The following TIMM50 variants were observed in gnomAD, a reference collection of about 807,000 sequenced individuals.
TIMM50 encodes mitochondrial import inner membrane translocase subunit TIM50.
Under a neutral mutation model 49.6 loss-of-function variants are expected in TIMM50, and 34 were observed. The ratio of observed to expected loss-of-function variants is 0.69; its 90% CI spans 0.52 to 0.91. The LOEUF (loss-of-function observed/expected upper bound fraction) is 0.91, where lower values mean the gene tolerates loss of function less well. Among genes scored for constraint, TIMM50 ranks in the 40% least tolerant of loss-of-function variants. The probability of loss-of-function intolerance (pLI) is 0.00; values close to 1 mark genes in which losing one functional copy is unlikely to be tolerated. For missense variants in TIMM50, 458 were observed against 477.8 expected (o/e 0.96, Z 0.39); for synonymous variants, 199 against 198.4 (o/e 1.00, Z -0.03).
intron 1 of TIMM50, chr19:39,481,440 C>G (rs1175117956): frequency 8.6e-6 from 2 of 232,132 alleles, no homozygotes; most frequent in South Asian, 7.7e-5. Context: ...TTGCCCTTCC[C>G]CGCCTCCGCT....
At position 39,480,863 on chromosome 19, in the gene TIMM50, T is replaced by C; in HGVS notation, c.10T>C (p.Ser4Pro). 1 of 1,598,010 alleles carries C rather than the reference T, an allele frequency of 6.3e-7. No homozygotes were observed. Among genetic ancestry groups the C allele is most frequent in the Non-Finnish European group, 8.5e-7 (1 of 1,174,198 alleles). ...GTGGCGTCAGCGCAAGATGGCGGCCTCGGCAGCGGTGTTCTCGCGCTTGCG... is the reference window on the plus strand; with the variant it reads ...GTGGCGTCAGCGCAAGATGGCGGCCCCGGCAGCGGTGTTCTCGCGCTTGCG... MAA[S>P]AAVFSRLRSG... is the part of the protein sequence containing the mutation. The change falls in exon 1 of 11, where the codon TCG (serine) becomes CCG (proline). Residue 4 changes from serine to proline, a missense_variant. Coordinates refer to ENST00000607714, the MANE Select transcript of TIMM50 (RefSeq NM_001001563.5).
chr19:39,485,255 C>T, intron 4 of TIMM50: 1 of 454,288 alleles, frequency 2.2e-6, no homozygotes, highest in Non-Finnish European at 4.1e-6. Context: ...AGCCACCGTG[C>T]CCGGCCTTGT....
intron 9 of TIMM50, 135 bp downstream of exon 9, chr19:39,488,352 TC>T: frequency 8.5e-7 from 1 of 1,182,620 alleles, no homozygotes; most frequent in Non-Finnish European, 1.2e-6. Context: ...TTTAGGAGCT[TC>T]TTAGGATGTT....
chr19:39,483,404 G>A, intron 4 of TIMM50: 1 of 557,368 alleles, frequency 1.8e-6, no homozygotes, highest in Non-Finnish European at 3.2e-6. Flanking sequence ...AGGGCTTGGG[G>A]ACACAGGGTG....
chr19:39,492,892 A>AAAAAAAAAAAAAAAAAAAAAC lies in TIMM50; in HGVS notation c.*3072_*3073insAAAAAAAAAAAAAAAAAAAAC, dbSNP rs2079557307. 1 of 141,756 alleles carries AAAAAAAAAAAAAAAAAAAAAC rather than the reference A, an allele frequency of 7.1e-6. No individual in the cohort carries two copies. The highest frequency in any genetic ancestry group is 2.0e-4 in the East Asian group (1 of 4,992). The allele number at this position is 141,756 out of a possible 1,614,324, so 8.8% of individuals were successfully genotyped here. The stretch of plus-strand genomic sequence containing the variant: ...TCTCCAAAAAAAAAAAAAAAAAAAA[A>AAAAAAAAAAAAAAAAAAAAAC]CAAAAAAAAAACCAGTTTGACTTTA... On this transcript the variant is annotated 3_prime_UTR_variant, in exon 11 of 11. Transcript: ENST00000607714.
intron 6 of TIMM50, 158 bp downstream of exon 6, chr19:39,485,965 C>CTA (rs2079502944): frequency 8.0e-7 from 1 of 1,243,802 alleles, no homozygotes; most frequent in South Asian, 1.4e-5. Flanking sequence ...GTCATGCTAA[C>CTA]ACCCACTCTG....
chr19:39,486,225 C>T lies in TIMM50; in HGVS notation c.531C>T (p.Ile177=), dbSNP rs370544090. The change falls in exon 7 of 11, where the codon ATC becomes ATT. Residue 177 remains isoleucine, a synonymous_variant. Coordinates refer to ENST00000607714, the MANE Select transcript of TIMM50 (RefSeq NM_001001563.5). ...TGWRFKKRPG[I]ETLFQQLAPL... Reference sequence around the variant, plus strand: ...GGAGGTTTAAGAAGCGCCCAGGCATCGAGACCTTGTTCCAGCAGCTTGCCC... The same window carrying T: ...GGAGGTTTAAGAAGCGCCCAGGCATTGAGACCTTGTTCCAGCAGCTTGCCC... 2.5e-5 allele frequency: 41 copies of T among 1,614,060 alleles called. No homozygotes were observed. Among genetic ancestry groups the T allele is most frequent in the East Asian group, 4.5e-5 (2 of 44,896 alleles).
At position 39,492,283 on chromosome 19, in the gene TIMM50, C is replaced by G. The variant is rs972313493; in HGVS notation, c.*2463C>G. 2.0e-5 allele frequency: 3 copies of G among 149,828 alleles called. No individual in the cohort carries two copies. The East Asian group carries it at 6.0e-4, about 30-fold the overall frequency. 9.3% of individuals were successfully genotyped at this position (149,828 alleles called of 1,614,324 possible). On this transcript the variant is annotated 3_prime_UTR_variant, in exon 11 of 11. Transcript: ENST00000607714. The stretch of plus-strand genomic sequence containing the variant: ...TCGCCTGAGGCCAGGAGTTGGAGAG[C>G]AGCCTGGGCAACATGGGAAGAGCCT...
chr19:39,487,843 C>CA (rs2079517720), intron 8 of TIMM50, among the ~76,000 whole-genome samples: 1 of 152,140 alleles, frequency 6.6e-6, no homozygotes, highest in African/African-American at 2.4e-5. Flanking sequence ...CCGCCCGCCT[C>CA]GGCCTCCCAA....
chr19:39,488,165 G>C lies in TIMM50; in HGVS notation c.801G>C (p.Trp267Cys). 1.2e-6 allele frequency: 2 copies of C among 1,613,982 alleles called. No homozygotes were observed. The highest frequency in any genetic ancestry group is 1.7e-6 in the Non-Finnish European group (2 of 1,179,874). ...QPYNGVALRP[W>C]DGNSDDRVLL... is the part of the protein sequence containing the mutation. ...ATAACGGCGTTGCCCTGCGGCCCTGGGACGGCAACTCTGATGACCGGGTCT... is the reference window on the plus strand; with the variant it reads ...ATAACGGCGTTGCCCTGCGGCCCTGCGACGGCAACTCTGATGACCGGGTCT... Residue 267 changes from tryptophan (W) to cysteine (C), a missense_variant, in exon 9 of 11, where the codon TGG (tryptophan) becomes TGC (cysteine). Transcript: ENST00000607714.
chr19:39,484,775 G>T (rs925656305), intron 4 of TIMM50, among the ~76,000 whole-genome samples: 1 of 152,118 alleles, frequency 6.6e-6, no homozygotes, highest in Non-Finnish European at 1.5e-5. Flanking sequence ...AAATACAGTG[G>T]CATAAATTAG....
chr19:39,483,369 A>G (rs2079485366), intron 4 of TIMM50: 3 of 417,672 alleles, frequency 7.2e-6, no homozygotes, highest in African/African-American at 4.2e-5. Flanking sequence ...TCAGAGACAG[A>G]TGGGGGATTG....
In TIMM50 at chr19:39,488,138, C is replaced by G; in HGVS notation, c.774C>G (p.Pro258=). ...AGAAGGAAGCCTTCCGCCTGCAGCC[C>G]TATAACGGCGTTGCCCTGCGGCCCT... ...DCKKEAFRLQ[P]YNGVALRPWD... The change falls in exon 9 of 11, where the codon CCC becomes CCG. Residue 258 remains proline, a synonymous_variant. Transcript: ENST00000607714. The G allele has an allele frequency of 1.9e-6, 3 of 1,614,092 alleles. No homozygotes were observed. The highest frequency in any genetic ancestry group is 2.5e-6 in the Non-Finnish European group (3 of 1,179,940).
intron 9 of TIMM50, 124 bp downstream of exon 9, chr19:39,488,341 C>G: frequency 1.6e-6 from 2 of 1,223,694 alleles, no homozygotes; most frequent in South Asian, 2.9e-5. Flanking sequence ...ACCTTGGAGT[C>G]TTTAGGAGCT....
In TIMM50 at chr19:39,488,477, A is replaced by T. The variant is rs980761379; in HGVS notation, c.854-62A>T. The T allele has an allele frequency of 1.5e-5, 22 of 1,500,546 alleles. No individual in the cohort carries two copies. The African/African-American group carries it at 2.8e-4, about 19-fold the overall frequency. 93.0% of individuals were successfully genotyped at this position (1,500,546 alleles called of 1,614,324 possible). On this transcript the variant is annotated intron_variant, in intron 9 of 10. Transcript: ENST00000607714. ...TGCCCCAGTGCGGGACGTTCCCCTC[A>T]TGGGCCCTGCCTCCCTCTGGCCTTT...
rs768649023 is a variant in TIMM50 at position 39,488,624 on chromosome 19, G to A, written c.939G>A (p.Gln313=). 5 of 1,613,656 alleles carry A rather than the reference G, an allele frequency of 3.1e-6. No individual in the cohort carries two copies. In the African/African-American group the frequency reaches 6.7e-5, roughly 22 times the overall value. ...LEDDPLAAFK[Q]RQSRLEQEEQ... ...ATGACCCGCTGGCGGCTTTCAAACAGCGGCAAAGCCGGCTAGAGCAGGTTG... is the reference window on the plus strand; with the variant it reads ...ATGACCCGCTGGCGGCTTTCAAACAACGGCAAAGCCGGCTAGAGCAGGTTG... Residue 313 remains glutamine (Q), a synonymous_variant, in exon 10 of 11, where the codon CAG becomes CAA. Coordinates refer to ENST00000607714, the MANE Select transcript of TIMM50 (RefSeq NM_001001563.5).
At chr19:39,483,892 TG>T (rs1194958584) in intron 4 of TIMM50, among the ~76,000 whole-genome samples, 1 of 152,168 alleles carries the variant, frequency 6.6e-6, no homozygotes, top group East Asian at 1.9e-4. Flanking sequence ...CTTGCTCTGT[TG>T]CCTAGGCTGG....
intron 4 of TIMM50, 137 bp downstream of exon 4, chr19:39,483,293 C>A: frequency 8.5e-7 from 1 of 1,173,464 alleles, no homozygotes; most frequent in Non-Finnish European, 1.2e-6. Flanking sequence ...AGCTGGATGG[C>A]TTTGTGGGGA....
intron 2 of TIMM50, 76 bp from the exon 3 acceptor site, chr19:39,482,809 C>T (rs1230453123): frequency 1.9e-6 from 3 of 1,597,592 alleles, no homozygotes; most frequent in Admixed American, 1.7e-5. Flanking sequence ...GAGTCCAGGC[C>T]CCTTATCCCA....
Sources: gnomAD v4.1 joint callset for allele counts (sites outside exome capture counted in the v4.1 genomes callset) on GRCh38, gnomAD v4.1.1 for gene constraint, MANE v1.5 for transcripts, NCBI Gene and HGNC (gene_info 2026-07-23, HGNC 2026-07-21) for gene names.